Variants in CCDC102B observed in about 807,000 individuals in gnomAD.
CCDC102B encodes coiled-coil domain containing 102B.
A neutral mutation model predicts 57.4 loss-of-function variants in CCDC102B; 75 were observed. The observed-to-expected ratio is 1.31, with a 90% CI of 1.08 to 1.58. The LOEUF is 1.58. CCDC102B is among the 40% of genes most tolerant of loss of function. The probability of loss-of-function intolerance (pLI) is 0.00; values close to 1 mark genes in which losing one functional copy is unlikely to be tolerated. For missense variants in CCDC102B, 636 were observed against 582.6 expected, an observed-to-expected ratio of 1.09 and a Z score of -0.94; for synonymous variants, 206 against 201.9, an observed-to-expected ratio of 1.02 and a Z score of -0.17.
chr18:68,775,686 GCT>G (rs1750477067), intron 2 of CCDC102B, among the ~76,000 whole-genome samples: 1 of 118,560 alleles, frequency 8.4e-6, no homozygotes, highest in African/African-American at 3.3e-5. Context: ...AAGGAGTCTT[GCT>G]CTGTCGCCAG....
Position 68,874,785 on chromosome 18 carries a change from G to C in CCDC102B, c.1053G>C (p.Glu351Asp). ...GAGTGATTTGTGAGTTAAGAGCAGA[G>C]GTAAGACACTGGGTAAAGAGTACCA... is the stretch of plus-strand genomic sequence containing the variant. ...KDRVICELRA[E>D]LERLQAENTS... The change falls in exon 5 of 8, where the codon GAG (glutamate) becomes GAC (aspartate). Residue 351 changes from glutamate (E) to aspartate (D), a missense_variant and splice_region_variant. Physicochemically the swap from Glu to Asp is conservative, Grantham distance 45. Coordinates refer to ENST00000360242, the MANE Select transcript of CCDC102B (RefSeq NM_024781.3). 4 of 1,545,742 alleles carry C rather than the reference G, an allele frequency of 2.6e-6. No individual in the cohort carries two copies. Among genetic ancestry groups the C allele is most frequent in the Non-Finnish European group, 3.6e-6 (4 of 1,118,928 alleles).
intron 1 of CCDC102B, among the ~76,000 whole-genome samples, chr18:68,810,687 T>G (rs1406839468): frequency 1.3e-4 from 18 of 138,260 alleles, no homozygotes; most frequent in African/African-American, 4.8e-4. Flanking sequence ...TTTGTTTTTT[T>G]TTTTTTTTTT....
At chr18:68,801,282 T>C (rs780772017) in intron 1 of CCDC102B, among the ~76,000 whole-genome samples, 1 of 152,166 alleles carries the variant, frequency 6.6e-6, no homozygotes, top group African/African-American at 2.4e-5. Context: ...CCCTGACTAA[T>C]TGTAGATGCT....
chr18:68,880,158 C>T lies in CCDC102B; in HGVS notation c.1053+5373C>T, dbSNP rs543936479. ...CCTGCCCCGCCCAAGGCAGCTAAGGCCCGGTGAGAAATCGAGCGCAGCGCC... is the reference window on the plus strand; with the variant it reads ...CCTGCCCCGCCCAAGGCAGCTAAGGTCCGGTGAGAAATCGAGCGCAGCGCC... On this transcript the variant is annotated intron_variant, in intron 5 of 7. Transcript: ENST00000360242. 1.2e-4 allele frequency among the ~76,000 whole-genome samples: 18 copies of T among 152,324 alleles called. No individual in the cohort carries two copies. The South Asian group carries it at 1.9e-3, about 16-fold the overall frequency.
intron 6 of CCDC102B, chr18:68,908,370 C>A (rs2145060627): frequency 6.6e-6 from 1 of 152,264 alleles, no homozygotes; most frequent in Non-Finnish European, 1.5e-5. Context: ...TTGCTTGATT[C>A]CATGAACCTT....
intron 2 of CCDC102B, among the ~76,000 whole-genome samples, chr18:68,745,398 A>G (rs1444350268): frequency 6.6e-6 from 1 of 152,100 alleles, no homozygotes; most frequent in Non-Finnish European, 1.5e-5. Flanking sequence ...TACCTCCTAC[A>G]ACTCAGTCTG....
intron 2 of CCDC102B, among the ~76,000 whole-genome samples, chr18:68,773,283 T>G (rs1257108508): frequency 6.6e-6 from 1 of 151,964 alleles, no homozygotes. Flanking sequence ...CTGAGTGAAA[T>G]AGTATAATAG....
rs1234996796 is a variant in CCDC102B at position 68,737,423 on chromosome 18, A to T, written c.-67+20829A>T. ...TCTCCCTTCTCCACCAGCGTTATAG[A>T]TTCTCCTCCCCATTGACTGGCGCTT... On this transcript the variant is annotated intron_variant, in intron 2 of 3. Coordinates refer to the CCDC102B transcript ENST00000578970. 3.4e-5 allele frequency among the ~76,000 whole-genome samples: 5 copies of T among 145,396 alleles called. No individual in the cohort carries two copies. The Admixed American group carries it at 3.5e-4, about 10-fold the overall frequency.
At chr18:68,920,161 A>G (rs984881928) in intron 6 of CCDC102B, among the ~76,000 whole-genome samples, 13 of 151,898 alleles carry the variant, frequency 8.6e-5, no homozygotes, top group Middle Eastern at 3.4e-3. Context: ...GTTCCCTTCT[A>G]TGTGTCCATG....
intron 2 of CCDC102B, among the ~76,000 whole-genome samples, chr18:68,785,349 G>A (rs956645203): frequency 6.6e-6 from 1 of 152,104 alleles, no homozygotes; most frequent in Admixed American, 6.5e-5. Flanking sequence ...ACCCAGTAAT[G>A]GGATGGCTAG....
chr18:69,056,335 CAAT>C (rs1195702636), downstream of CCDC102B, among the ~76,000 whole-genome samples: 7 of 152,096 alleles, frequency 4.6e-5, no homozygotes, highest in South Asian at 6.2e-4. Context: ...ATGAAAACAA[CAAT>C]GATTTTCTAT....
intron 7 of CCDC102B, among the ~76,000 whole-genome samples, chr18:69,042,423 G>A (rs561902847): frequency 1.3e-5 from 2 of 152,182 alleles, no homozygotes; most frequent in Admixed American, 1.3e-4. Context: ...CCTCAAACCT[G>A]CTCATTTGGT....
At chr18:68,929,685 C>T (rs58043249) in intron 6 of CCDC102B, among the ~76,000 whole-genome samples, 5,485 of 151,954 alleles carry the variant, frequency 0.036, 218 homozygotes, top group African/African-American at 0.094. Context: ...AGCTTCTAAG[C>T]ATTTCTTGGA....
chr18:68,845,533 T>C (rs1321513236), intron 3 of CCDC102B, among the ~76,000 whole-genome samples: 1 of 151,800 alleles, frequency 6.6e-6, no homozygotes, highest in African/African-American at 2.4e-5. Context: ...TCCGTGGAAA[T>C]GGAGGAATAT....
chr18:68,825,055 T>C (rs956470882), intron 1 of CCDC102B, among the ~76,000 whole-genome samples: 22 of 152,234 alleles, frequency 1.4e-4, no homozygotes, highest in African/African-American at 5.3e-4. Flanking sequence ...TCTTTCTTGC[T>C]GTCCACAAGT....
intron 6 of CCDC102B, among the ~76,000 whole-genome samples, chr18:68,971,904 GTTTTC>G (rs1249789423): frequency 6.6e-6 from 1 of 151,824 alleles, no homozygotes; most frequent in Non-Finnish European, 1.5e-5. Flanking sequence ...ATTTGTGATT[GTTTTC>G]TTCTCTTCCT....
chr18:68,798,092 C>A lies in CCDC102B; in HGVS notation c.-105C>A, dbSNP rs1483306640. The A allele has an allele frequency of 6.6e-6, 1 of 152,140 alleles. No homozygotes were observed. Among genetic ancestry groups the A allele is most frequent in the Admixed American group, 6.6e-5 (1 of 15,248 alleles). 9.4% of individuals were successfully genotyped at this position (152,140 alleles called of 1,614,324 possible). ...AATCCTGTTGGCTAGGACTCCAGAA[C>A]TGTACGGATGAGAAAAGGATGCAGG... On this transcript the variant is annotated 5_prime_UTR_variant, in exon 1 of 8. In the 5' UTR this introduces an upstream ATG that the reference lacks. Transcript: ENST00000360242.
intron 6 of CCDC102B, among the ~76,000 whole-genome samples, chr18:69,008,564 C>T (rs2051414989): frequency 1.3e-5 from 2 of 152,158 alleles, no homozygotes; most frequent in Admixed American, 1.3e-4. Flanking sequence ...ACGCTCATGT[C>T]TTCAGTGGAT....
At chr18:68,812,922 G>A (rs2036323553) in intron 1 of CCDC102B, among the ~76,000 whole-genome samples, 1 of 152,098 alleles carries the variant, frequency 6.6e-6, no homozygotes, top group African/African-American at 2.4e-5. Flanking sequence ...ACCTGGAGAT[G>A]GAGAGAAGAT....
Sources: gnomAD v4.1 joint callset for allele counts (sites outside exome capture counted in the v4.1 genomes callset) on GRCh38, gnomAD v4.1.1 for gene constraint, MANE v1.5 for transcripts, NCBI Gene and HGNC (gene_info 2026-07-23, HGNC 2026-07-21) for gene names.